The following PLCG2 variants were observed in gnomAD, a reference collection of about 807,000 sequenced individuals.
PLCG2 encodes the protein phospholipase C gamma 2.
A neutral mutation model predicts 175.6 loss-of-function variants in PLCG2; 69 were observed. The ratio of observed to expected loss-of-function variants is 0.39; its 90% CI spans 0.32 to 0.48. The LOEUF (loss-of-function observed/expected upper bound fraction) is 0.48, where lower values mean the gene tolerates loss of function less well. PLCG2 is among the 20% of genes least tolerant of loss of function. The pLI, the probability that PLCG2 is intolerant of heterozygous loss-of-function variation, is 0.91. For synonymous variants in PLCG2, 827 were observed against 624.0 expected (o/e 1.33, Z -4.85); for missense variants, 1,798 against 1,650.9 (o/e 1.09, Z -1.54).
rs762006432 is a variant in PLCG2 at position 81,905,443 on chromosome 16, TGGA to T, written c.1407_1409del (p.Glu469del). ...CCCCGAGGCGATGTGGATGTCAACA[TGGA>T]GGACAAGAAGGACGAACACAAGCAA... On this transcript the variant is annotated inframe_deletion, in exon 15 of 33. Coordinates refer to ENST00000564138, the MANE Select transcript of PLCG2 (RefSeq NM_002661.5). 1 of 1,614,170 alleles carries T rather than the reference TGGA, an allele frequency of 6.2e-7. No homozygotes were observed. The highest frequency in any genetic ancestry group is 8.5e-7 in the Non-Finnish European group (1 of 1,180,008).
At chr16:81,949,493 C>A (rs892035726) in intron 31 of PLCG2, among the ~76,000 whole-genome samples, 1 of 152,130 alleles carries the variant, frequency 6.6e-6, no homozygotes, top group Admixed American at 6.5e-5. Flanking sequence ...ACTAGGAAGA[C>A]GGAATAATTC....
chr16:81,953,111 T>C (rs1296417815), intron 31 of PLCG2, among the ~76,000 whole-genome samples: 2 of 152,182 alleles, frequency 1.3e-5, no homozygotes, highest in Non-Finnish European at 2.9e-5. Flanking sequence ...TGGACATTCA[T>C]ACAAAATAAC....
chr16:81,947,007 A>T (rs992295575), intron 31 of PLCG2, among the ~76,000 whole-genome samples: 5 of 152,140 alleles, frequency 3.3e-5, no homozygotes, highest in Admixed American at 6.5e-5. Flanking sequence ...GCTTCTCTCT[A>T]TACATAAAAC....
intron 1 of PLCG2, among the ~76,000 whole-genome samples, chr16:81,753,434 T>G (rs1257519928): frequency 6.6e-6 from 1 of 151,650 alleles, no homozygotes; most frequent in Non-Finnish European, 1.5e-5. Flanking sequence ...TTTTTTTTTT[T>G]TTGAGATGGA....
chr16:81,874,247 C>T (rs1042613548), intron 7 of PLCG2, among the ~76,000 whole-genome samples: 4 of 152,160 alleles, frequency 2.6e-5, no homozygotes, highest in African/African-American at 9.7e-5. Flanking sequence ...CACATCTCGC[C>T]ATGGAACGGT....
intron 2 of PLCG2, among the ~76,000 whole-genome samples, chr16:81,829,638 C>T (rs1347413221): frequency 6.6e-6 from 1 of 152,218 alleles, no homozygotes; most frequent in African/African-American, 2.4e-5. Flanking sequence ...GTATGTTCTC[C>T]TTCTGTTCCA....
At chr16:81,755,301 A>G (rs1044471431) in intron 1 of PLCG2, among the ~76,000 whole-genome samples, 2 of 151,360 alleles carry the variant, frequency 1.3e-5, no homozygotes, top group Admixed American at 1.3e-4. Context: ...GGCTCAAGTG[A>G]TCCTCCCGCC....
chr16:81,882,914 C>A (rs557569752), intron 8 of PLCG2, among the ~76,000 whole-genome samples: 2 of 152,148 alleles, frequency 1.3e-5, no homozygotes, highest in African/African-American at 4.8e-5. Flanking sequence ...CCTTCCCACC[C>A]TCATCTCTTG....
chr16:81,938,592 G>C (rs1170431334), intron 28 of PLCG2: 6 of 572,282 alleles, frequency 1.0e-5, no homozygotes, highest in African/African-American at 3.7e-5. Context: ...ATGGGGCCGA[G>C]ACCCAGGCTG....
At chr16:81,856,191 G>A (rs893966197) in intron 3 of PLCG2, among the ~76,000 whole-genome samples, 1 of 152,156 alleles carries the variant, frequency 6.6e-6, no homozygotes, top group Non-Finnish European at 1.5e-5. Context: ...AGTTTCCTCC[G>A]CATCTGTGTG....
chr16:81,925,890 A>AAAAAG (rs745338896), intron 22 of PLCG2, among the ~76,000 whole-genome samples: 33 of 35,952 alleles, frequency 9.2e-4, no homozygotes, highest in East Asian at 3.1e-3. Flanking sequence ...TGTCTCAAAA[A>AAAAAG]AAAAAAAAAA....
At chr16:81,950,480 G>C (rs1336378660) in intron 31 of PLCG2, among the ~76,000 whole-genome samples, 1 of 152,154 alleles carries the variant, frequency 6.6e-6, no homozygotes, top group Non-Finnish European at 1.5e-5. Context: ...AATTTGGAAA[G>C]TCTTGTATAT....
chr16:81,902,468 G>T (rs1375956740), intron 14 of PLCG2, among the ~76,000 whole-genome samples: 1 of 152,134 alleles, frequency 6.6e-6, no homozygotes, highest in African/African-American at 2.4e-5. Flanking sequence ...GCAGCTCTCT[G>T]GGACCTCTTT....
rs1910288606 is a variant in PLCG2, at chr16:81,771,855, C to T, written c.-47-14088C>T. 3.3e-5 allele frequency among the ~76,000 whole-genome samples: 5 copies of T among 152,318 alleles called. No individual in the cohort carries two copies. The South Asian group carries it at 1.0e-3, about 32-fold the overall frequency. On this transcript the variant is annotated intron_variant, in intron 2 of 5. Transcript: ENST00000565054. ...CTGGAGTGCCAGGGCAGGATCTCCGCTCACTGCAACCTCCACCTCCTGGGC... is the reference window on the plus strand; with the variant it reads ...CTGGAGTGCCAGGGCAGGATCTCCGTTCACTGCAACCTCCACCTCCTGGGC...
At chr16:81,810,551 A>G (rs1904309017) in intron 2 of PLCG2, among the ~76,000 whole-genome samples, 2 of 152,160 alleles carry the variant, frequency 1.3e-5, no homozygotes, top group Admixed American at 1.3e-4. Flanking sequence ...AGGTCAAACA[A>G]GATGACACTC....
At chr16:81,828,288 C>G (rs963903828) in intron 2 of PLCG2, among the ~76,000 whole-genome samples, 1 of 124,862 alleles carries the variant, frequency 8.0e-6, no homozygotes, top group Non-Finnish European at 1.6e-5. Flanking sequence ...CTCTGTCACC[C>G]AGGCTGGAAT....
intron 2 of PLCG2, among the ~76,000 whole-genome samples, chr16:81,806,394 C>G (rs1027504111): frequency 1.3e-5 from 2 of 151,982 alleles, no homozygotes; most frequent in African/African-American, 4.8e-5. Flanking sequence ...GTGTGTCTAC[C>G]AGCTTTGCCA....
chr16:81,908,506 T>C lies in PLCG2; in HGVS notation c.1648T>C (p.Tyr550His), dbSNP rs1597124121. 6.2e-7 allele frequency: 1 copy of C among 1,614,034 alleles called. No individual in the cohort carries two copies. The highest frequency in any genetic ancestry group is 8.5e-7 in the Non-Finnish European group (1 of 1,180,010). ...GAGTGCCGAGAAGTTGCTGCAGGAA[T>C]ACTGCATGGAGACGGGGGGCAAGGA... ...RTSAEKLLQE[Y>H]CMETGGKDGT... Residue 550 changes from tyrosine to histidine, a missense_variant, in exon 17 of 33, where the codon TAC becomes CAC. Coordinates refer to ENST00000564138, the MANE Select transcript of PLCG2 (RefSeq NM_002661.5).
At chr16:81,750,808 C>T (rs1047582307) in intron 1 of PLCG2, among the ~76,000 whole-genome samples, 3 of 150,688 alleles carry the variant, frequency 2.0e-5, no homozygotes, top group Non-Finnish European at 3.0e-5. Flanking sequence ...CTTGGGACTA[C>T]AGGCGCCTGC....
Sources: allele counts gnomAD v4.1 joint callset (sites outside exome capture counted in the v4.1 genomes callset), GRCh38; gene constraint gnomAD v4.1.1; transcripts MANE v1.5; gene names NCBI Gene and HGNC (gene_info 2026-07-23, HGNC 2026-07-21).